VIM: variants seen among roughly 807,000 people sequenced by gnomAD.
VIM encodes epididymis secretory sperm binding protein.
A neutral mutation model predicts 50.3 loss-of-function variants in VIM; 18 were observed. The observed-to-expected ratio is 0.36, with a 90% CI of 0.25 to 0.53. The LOEUF is 0.53. Among genes scored for constraint, VIM ranks in the 20% least tolerant of loss-of-function variants. VIM has a pLI of 0.91. For synonymous variants in VIM, 245 were observed against 248.5 expected, an observed-to-expected ratio of 0.99 and a Z score of 0.13; for missense variants, 551 against 614.7, an observed-to-expected ratio of 0.90 and a Z score of 1.10.
Position 17,229,993 on chromosome 10 carries a change from T to A in VIM, c.563+8T>A, listed in dbSNP as rs746743369. On this transcript the variant is annotated splice_region_variant and intron_variant, in intron 2 of 9. Transcript: ENST00000544301. Reference sequence around the variant, plus strand: ...CATGCGCCTCCGGGAGAAGTAAGGCTGCGCCCATGCAAGTAGCTGGGCCTC... The same window carrying A: ...CATGCGCCTCCGGGAGAAGTAAGGCAGCGCCCATGCAAGTAGCTGGGCCTC... 1 of 1,606,516 alleles carries A rather than the reference T, an allele frequency of 6.2e-7. No homozygotes were observed. Among genetic ancestry groups the A allele is most frequent in the South Asian group, 1.1e-5 (1 of 89,774 alleles).
Position 17,229,384 on chromosome 10 carries a change from C to T in VIM, c.-39C>T. The T allele has an allele frequency of 6.4e-7, 1 of 1,564,614 alleles. No individual in the cohort carries two copies. Among genetic ancestry groups the T allele is most frequent in the East Asian group, 2.4e-5 (1 of 41,880 alleles). ...CCTCTTCTCCGGGAGCCAGTCCGCG[C>T]CACCGCCGCCGCCCAGGCCATCGCC... On this transcript the variant is annotated 5_prime_UTR_variant, in exon 2 of 10. Coordinates refer to ENST00000544301, the MANE Select transcript of VIM (RefSeq NM_003380.5).
chr10:17,233,000 T>A (rs1846822906), intron 3 of VIM, among the ~76,000 whole-genome samples: 1 of 152,210 alleles, frequency 6.6e-6, no homozygotes, highest in Non-Finnish European at 1.5e-5. Flanking sequence ...CAGGCTGGAG[T>A]GCAGTGGCAC....
chr10:17,235,937 A>G (rs2131684064), intron 8 of VIM, 48 bp downstream of exon 8: 1 of 1,559,164 alleles, frequency 6.4e-7, no homozygotes, highest in Non-Finnish European at 8.8e-7. Flanking sequence ...GCTTGTAACC[A>G]CTGTGTTTAT....
intron 8 of VIM, 127 bp downstream of exon 8, chr10:17,236,016 TATAATTTTCG>T: frequency 9.2e-7 from 1 of 1,092,290 alleles, no homozygotes; most frequent in South Asian, 1.3e-5. Context: ...ATAAAACATC[TATAATTTTCG>T]AACCCAAGTA....
At chr10:17,231,576 T>C (rs951823405) in intron 3 of VIM, among the ~76,000 whole-genome samples, 3 of 152,228 alleles carry the variant, frequency 2.0e-5, no homozygotes, top group African/African-American at 7.2e-5. Context: ...TTTGCTAACA[T>C]CCGTTATCTA....
intron 7 of VIM, 65 bp downstream of exon 7, chr10:17,235,454 G>A: frequency 1.3e-6 from 2 of 1,539,686 alleles, no homozygotes; most frequent in East Asian, 2.2e-5. Flanking sequence ...GTGCCACTGG[G>A]CTCTAAGCAG....
chr10:17,235,487 G>C, intron 7 of VIM, 98 bp downstream of exon 7: 2 of 1,353,688 alleles, frequency 1.5e-6, no homozygotes, highest in Middle Eastern at 5.0e-4. Flanking sequence ...TCTTTAGAAA[G>C]TTTCTTTGAG....
rs1048526047 is a variant in VIM at position 17,233,882 on chromosome 10, G to A, written c.833G>A (p.Ser278Asn). The A allele has an allele frequency of 1.2e-6, 2 of 1,614,044 alleles. No individual in the cohort carries two copies. Among genetic ancestry groups the A allele is most frequent in the African/African-American group, 2.7e-5 (2 of 74,920 alleles). ...ALRDVRQQYE[S>N]VAAKNLQEAE... ...CGTGACGTACGTCAGCAATATGAAA[G>A]TGTGGCTGCCAAGAACCTGCAGGAG... Residue 278 changes from serine (S) to asparagine (N), a missense_variant, in exon 5 of 10, where the codon AGT becomes AAT. Ser to Asn is a conservative substitution (Grantham distance 46, BLOSUM62 1). This residue lies in a region of VIM where 394 missense variants were observed against 437.5 expected (regional missense o/e 0.90). Transcript: ENST00000544301.
intron 6 of VIM, 171 bp from the exon 7 acceptor site, chr10:17,234,998 C>G: frequency 8.5e-7 from 1 of 1,180,828 alleles, no homozygotes; most frequent in East Asian, 2.5e-5. Flanking sequence ...TTTAGCTTGC[C>G]TATATCATTG....
In VIM at chr10:17,236,328, C is replaced by T. The variant is rs761281774; in HGVS notation, c.1308C>T (p.Thr436=). The T allele has an allele frequency of 8.1e-6, 13 of 1,613,618 alleles. No individual in the cohort carries two copies. In the South Asian group the frequency reaches 1.2e-4, roughly 15 times the overall value. ...TGGATTCACTCCCTCTGGTTGATAC[C>T]CACTCAAAAAGGACACTTCTGATTA... ...TNLDSLPLVD[T]HSKRTLLIKT... is the part of the protein sequence containing the mutation. Residue 436 remains threonine, a synonymous_variant, in exon 9 of 10, where the codon ACC becomes ACT. Transcript: ENST00000544301.
intron 3 of VIM, chr10:17,230,976 C>G (rs910072930): frequency 4.7e-6 from 2 of 430,068 alleles, no homozygotes; most frequent in East Asian, 4.8e-5. Context: ...GATCTTGGCT[C>G]ACTGCATCCT....
At chr10:17,236,442 A>G in intron 9 of VIM, 63 bp downstream of exon 9, 3 of 1,350,398 alleles carry the variant, frequency 2.2e-6, no homozygotes, top group South Asian at 1.2e-5. Flanking sequence ...TTTTAAAATC[A>G]GTGAATCTGA....
chr10:17,231,596 C>A (rs1846800389), intron 3 of VIM, among the ~76,000 whole-genome samples: 1 of 152,088 alleles, frequency 6.6e-6, no homozygotes, highest in East Asian at 1.9e-4. Context: ...AATATCTGGC[C>A]CAGACTTGAG....
At chr10:17,236,211 A>C in intron 8 of VIM, 83 bp from the exon 9 acceptor site, 1 of 1,103,714 alleles carries the variant, frequency 9.1e-7, no homozygotes, top group Non-Finnish European at 1.4e-6. Context: ...CCCACAAATC[A>C]TAATTGTTTC....
chr10:17,230,539 A>AGGTGGCGCAGCTGCTCT (rs1470936765), intron 2 of VIM, 111 bp from the exon 3 acceptor site: 1 of 1,212,958 alleles, frequency 8.2e-7, no homozygotes, highest in African/African-American at 1.5e-5. Context: ...AGTTGCGCGG[A>AGGTGGCGCAGCTGCTCT]GGTGGCGCAG....
In VIM at chr10:17,229,362, C is replaced by G. The variant is rs981807495; in HGVS notation, c.-61C>G. ...ACACCCACCGCGCCCTCGTTCGCCT[C>G]TTCTCCGGGAGCCAGTCCGCGCCAC... On this transcript the variant is annotated 5_prime_UTR_variant, in exon 2 of 10. Transcript: ENST00000544301. 5.9e-6 allele frequency: 9 copies of G among 1,531,752 alleles called. No individual in the cohort carries two copies. Among genetic ancestry groups the G allele is most frequent in the Non-Finnish European group, 7.9e-6 (9 of 1,140,416 alleles). The allele number at this position is 1,531,752 out of a possible 1,614,324, so 94.9% of individuals were successfully genotyped here.
Position 17,235,841 on chromosome 10 carries a change from T to G in VIM, c.1230-5T>G. The G allele has an allele frequency of 6.2e-7, 1 of 1,613,780 alleles. No individual in the cohort carries two copies. The highest frequency in any genetic ancestry group is 1.7e-5 in the Admixed American group (1 of 60,030). On this transcript the variant is annotated splice_region_variant and splice_polypyrimidine_tract_variant and intron_variant, in intron 7 of 9. Coordinates refer to ENST00000544301, the MANE Select transcript of VIM (RefSeq NM_003380.5). ...ATTTTACTGTTTCTCTTCATCTGTTTATAGGATTTCTCTGCCTCTTCCAAA... is the reference window on the plus strand; with the variant it reads ...ATTTTACTGTTTCTCTTCATCTGTTGATAGGATTTCTCTGCCTCTTCCAAA...
intron 3 of VIM, among the ~76,000 whole-genome samples, chr10:17,232,109 T>G (rs1846809080): frequency 6.6e-6 from 1 of 152,220 alleles, no homozygotes; most frequent in African/African-American, 2.4e-5. Flanking sequence ...TAAGCAAAAT[T>G]CCTCATTCTC....
chr10:17,233,325 CATTT>C, intron 3 of VIM: 2 of 459,112 alleles, frequency 4.4e-6, no homozygotes, highest in Non-Finnish European at 8.0e-6. Context: ...TGTGTGTGGA[CATTT>C]ATTTATTTTA....
Sources: gnomAD v4.1 joint callset for allele counts (sites outside exome capture counted in the v4.1 genomes callset) on GRCh38, gnomAD v4.1.1 for gene constraint, gnomAD v4.1.1 regional missense constraint, MANE v1.5 for transcripts, NCBI Gene and HGNC (gene_info 2026-07-23, HGNC 2026-07-21) for gene names.